PRIM2: variants seen among roughly 807,000 people sequenced by gnomAD.
The protein encoded by PRIM2 is DNA primase subunit 2.
Under a neutral mutation model 67.3 loss-of-function variants are expected in PRIM2, and 39 were observed. That is an observed-to-expected ratio of 0.58 (90% CI 0.45 to 0.76). The LOEUF (loss-of-function observed/expected upper bound fraction) is 0.76. Ranked by LOEUF, PRIM2 falls within the 30% of genes least tolerant of loss-of-function variation. PRIM2 has a pLI of 0.00. For synonymous variants in PRIM2, 143 were observed against 198.7 expected (o/e 0.72, Z 2.36); for missense variants, 398 against 598.7 (o/e 0.66, Z 3.50).
intron 7 of PRIM2, among the ~76,000 whole-genome samples, chr6:57,396,056 G>T (rs1187266158): frequency 6.6e-6 from 1 of 152,204 alleles, no homozygotes; most frequent in Non-Finnish European, 1.5e-5. Context: ...ATTTATTGAG[G>T]CTCGTTTCAT....
At chr6:57,280,354 G>A in the PRIM2 span, among the ~76,000 whole-genome samples, 1 of 150,720 alleles carries the variant, frequency 6.6e-6, no homozygotes, top group Admixed American at 6.6e-5. Flanking sequence ...TTTCATTAAC[G>A]TTCTTTCCTG....
the PRIM2 span, among the ~76,000 whole-genome samples, chr6:57,233,431 C>T: frequency 6.6e-6 from 1 of 152,144 alleles, no homozygotes; most frequent in South Asian, 2.1e-4. Flanking sequence ...ATTAAACTAG[C>T]TTTTATAATT....
At chr6:57,268,903 G>A in the PRIM2 span, among the ~76,000 whole-genome samples, 2 of 150,552 alleles carry the variant, frequency 1.3e-5, no homozygotes, top group African/African-American at 2.4e-5. Context: ...TTGTCCTTGC[G>A]ATAGTTTACT....
At position 57,340,140 on chromosome 6, in the gene PRIM2, TC is replaced by T. The variant is rs551228190; in HGVS notation, c.459+14096del. 2.0e-3 allele frequency among the ~76,000 whole-genome samples: 297 copies of T among 151,990 alleles called. 1 individual carries two copies. Among genetic ancestry groups the T allele is most frequent in the Admixed American group, 3.7e-3 (56 of 15,276 alleles). ...TCACTGGCCATCAGAGAAATGCAAA[TC>T]AAAACCACAATGAGATACCATCTCA... On this transcript the variant is annotated intron_variant, in intron 5 of 13. Transcript: ENST00000615550.
chr6:57,379,702 A>C (rs1265255868), intron 5 of PRIM2, among the ~76,000 whole-genome samples, 199 bp from the exon 6 acceptor site: 2 of 152,172 alleles, frequency 1.3e-5, no homozygotes, highest in African/African-American at 4.8e-5. Flanking sequence ...ATTTGAAAGA[A>C]TATTCAATTT....
At chr6:57,507,319 A>G (rs1774271362) in intron 7 of PRIM2, 68 bp from the exon 8 acceptor site, 2 of 1,127,666 alleles carry the variant, frequency 1.8e-6, no homozygotes, top group Non-Finnish European at 2.5e-6. Flanking sequence ...CTCGTTTTAC[A>G]TTTAGTATTC....
At chr6:57,508,948 GTCAAGC>G (rs1774303844) in intron 8 of PRIM2, among the ~76,000 whole-genome samples, 1 of 152,154 alleles carries the variant, frequency 6.6e-6, no homozygotes, top group Admixed American at 6.5e-5. Context: ...GTTTTATGTA[GTCAAGC>G]ACCAATAGTG....
At chr6:57,638,868 G>A (rs1486531028) in intron 13 of PRIM2, among the ~76,000 whole-genome samples, 1 of 152,082 alleles carries the variant, frequency 6.6e-6, no homozygotes, top group African/African-American at 2.4e-5. Flanking sequence ...AATTAACAAG[G>A]ATATTCTGGA....
At chr6:57,557,377 T>C (rs1266198613) in intron 10 of PRIM2, among the ~76,000 whole-genome samples, 1 of 152,112 alleles carries the variant, frequency 6.6e-6, no homozygotes, top group African/African-American at 2.4e-5. Context: ...TAAGTGCCCA[T>C]CAGTGACAGA....
At chr6:57,560,971 G>T (rs1332403140) in intron 10 of PRIM2, among the ~76,000 whole-genome samples, 1 of 152,066 alleles carries the variant, frequency 6.6e-6, no homozygotes, top group Non-Finnish European at 1.5e-5. Flanking sequence ...GAAAGTTAGG[G>T]GCTAATTTGA....
chr6:57,232,819 T>G, the PRIM2 span, among the ~76,000 whole-genome samples: 2 of 152,214 alleles, frequency 1.3e-5, no homozygotes, highest in Admixed American at 1.3e-4. Flanking sequence ...CACCAAATTG[T>G]AAGTCAGAAA....
chr6:57,371,881 T>C (rs1746986758), intron 5 of PRIM2, among the ~76,000 whole-genome samples: 1 of 152,218 alleles, frequency 6.6e-6, no homozygotes, highest in African/African-American at 2.4e-5. Flanking sequence ...GGTTGCCTAT[T>C]TGAGTTTCAG....
At chr6:57,410,764 C>T (rs9475929) in intron 7 of PRIM2, among the ~76,000 whole-genome samples, 6 of 152,000 alleles carry the variant, frequency 3.9e-5, no homozygotes, top group Non-Finnish European at 7.4e-5. Flanking sequence ...ACCTCTGCTA[C>T]GATGTTTAAT....
chr6:57,559,199 A>C (rs1469899387), intron 10 of PRIM2, among the ~76,000 whole-genome samples: 1 of 152,078 alleles, frequency 6.6e-6, no homozygotes, highest in Non-Finnish European at 1.5e-5. Flanking sequence ...TGCCTCTCAA[A>C]CTTTTTATGT....
At chr6:57,242,166 A>G in the PRIM2 span, among the ~76,000 whole-genome samples, 4 of 152,166 alleles carry the variant, frequency 2.6e-5, no homozygotes, top group African/African-American at 9.7e-5. Context: ...AATATCTGGA[A>G]CACAGCTTGG....
At chr6:57,422,896 T>C (rs1463587354) in intron 7 of PRIM2, among the ~76,000 whole-genome samples, 1 of 152,208 alleles carries the variant, frequency 6.6e-6, no homozygotes. Context: ...ATTTTTGAGA[T>C]GCCCCATTTA....
At chr6:57,504,563 A>G (rs1213656550) in intron 7 of PRIM2, among the ~76,000 whole-genome samples, 1 of 152,140 alleles carries the variant, frequency 6.6e-6, no homozygotes, top group Non-Finnish European at 1.5e-5. Context: ...AGTTATGCCA[A>G]ATTCTATGAT....
At chr6:57,565,964 A>G (rs1775730304) in intron 10 of PRIM2, among the ~76,000 whole-genome samples, 2 of 152,322 alleles carry the variant, frequency 1.3e-5, no homozygotes, top group South Asian at 4.1e-4. Flanking sequence ...TGTTTGAACT[A>G]GGATTTACAT....
intron 8 of PRIM2, among the ~76,000 whole-genome samples, chr6:57,530,337 A>G (rs1463302450): frequency 6.6e-6 from 1 of 152,264 alleles, no homozygotes; most frequent in Non-Finnish European, 1.5e-5. Flanking sequence ...ACTTGTGAGA[A>G]GGCAAATAAA....
Sources: allele counts gnomAD v4.1 joint callset (sites outside exome capture counted in the v4.1 genomes callset), GRCh38; gene constraint gnomAD v4.1.1; transcripts MANE v1.5; gene names NCBI Gene and HGNC (gene_info 2026-07-23, HGNC 2026-07-21).